NLRP12: variants seen among roughly 807,000 people sequenced by gnomAD.
NLRP12 encodes the protein NACHT, LRR and PYD domains-containing protein 12.
A neutral mutation model predicts 91.2 loss-of-function variants in NLRP12; 108 were observed. That is an observed-to-expected ratio of 1.18 (90% CI 1.01 to 1.39). The LOEUF is 1.39. NLRP12 is among the 40% of genes most tolerant of loss of function. The pLI is 0.00. For missense variants in NLRP12, 1,530 were observed against 1,352.7 expected (o/e 1.13, Z -2.06); for synonymous variants, 613 against 566.7 (o/e 1.08, Z -1.16).
At chr19:53,801,200 T>C in intron 7 of NLRP12, 27 bp downstream of exon 7, 1 of 1,610,770 alleles carries the variant, frequency 6.2e-7, no homozygotes, top group Non-Finnish European at 8.5e-7. Flanking sequence ...TTGGGACTCC[T>C]AGCGTGGTGA....
At chr19:53,819,626 C>T (rs62143199) in intron 1 of NLRP12, among the ~76,000 whole-genome samples, 2,787 of 41,246 alleles carry the variant, frequency 0.068, 573 homozygotes, top group African/African-American at 0.097. Flanking sequence ...TACGTATATA[C>T]GCGTATATAT....
chr19:53,821,031 CTTT>C (rs1158419664), intron 1 of NLRP12, among the ~76,000 whole-genome samples: 1,876 of 81,160 alleles, frequency 0.023, 7 homozygotes, highest in South Asian at 0.066. Context: ...CATATTTTTT[CTTT>C]TTTTTTTTTT....
chr19:53,796,276 G>T (rs970189447), intron 8 of NLRP12: 16 of 451,390 alleles, frequency 3.5e-5, no homozygotes, highest in Non-Finnish European at 5.1e-5. Flanking sequence ...GTTTGAGATG[G>T]AGTCTCCCTC....
Position 53,810,366 on chromosome 19 carries a change from G to C in NLRP12, c.1293C>G (p.Thr431=), listed in dbSNP as rs375001884. The change falls in exon 3 of 10, where the codon ACC becomes ACG. Residue 431 remains threonine, a synonymous_variant. Coordinates refer to ENST00000324134, the MANE Select transcript of NLRP12 (RefSeq NM_144687.4). ...GCAGGTAGAGCATGTACACTGCAGT[G>C]GTGGTCCTGGACGTCTGTCTCAACA... ...GGLLRQTSRT[T]TAVYMLYLLS... is the part of the protein sequence containing the mutation. The C allele has an allele frequency of 1.9e-6, 3 of 1,613,424 alleles. No homozygotes were observed. The African/African-American group carries it at 4.0e-5, about 22-fold the overall frequency.
At chr19:53,794,810 T>A (rs9783968) in intron 9 of NLRP12, among the ~76,000 whole-genome samples, 81,759 of 150,778 alleles carry the variant, frequency 0.54, 22,537 homozygotes, top group South Asian at 0.62. Context: ...GGGATTACAG[T>A]CACGTGCCAC....
chr19:53,799,883 G>C (rs962277625), intron 7 of NLRP12, among the ~76,000 whole-genome samples: 8 of 152,148 alleles, frequency 5.3e-5, no homozygotes, highest in Admixed American at 2.6e-4. Flanking sequence ...AGGGTGTCCA[G>C]CTGGGTGTAG....
At chr19:53,805,930 G>T in intron 4 of NLRP12, 1 of 204,794 alleles carries the variant, frequency 4.9e-6, no homozygotes, top group Non-Finnish European at 1.0e-5. Flanking sequence ...CATTCACAAA[G>T]GTTGCCCTTA....
chr19:53,819,172 TAAAA>T (rs941020597), intron 1 of NLRP12, among the ~76,000 whole-genome samples: 7 of 152,064 alleles, frequency 4.6e-5, no homozygotes, highest in South Asian at 2.1e-4. Context: ...TTCCATTTCT[TAAAA>T]TAACTATGTA....
At position 53,811,020 on chromosome 19, in the gene NLRP12, C is replaced by T. The variant is rs1469811947; in HGVS notation, c.639G>A (p.Val213=). The T allele has an allele frequency of 1.2e-6, 2 of 1,613,644 alleles. No homozygotes were observed. Among genetic ancestry groups the T allele is most frequent in the Non-Finnish European group, 1.7e-6 (2 of 1,179,594 alleles). ...CTATCCCTGCCGCGCCTTGCATGAC[C>T]ACGGTGCGCGGTGGCTCGGGGCGCT... ...DEERPEPPRT[V]VMQGAAGIGK... Residue 213 remains valine, a synonymous_variant, in exon 3 of 10, where the codon GTG becomes GTA. Transcript: ENST00000324134.
At chr19:53,798,477 C>G (rs750387808) in intron 7 of NLRP12, 64 bp from the exon 8 acceptor site, 1 of 1,528,060 alleles carries the variant, frequency 6.5e-7, no homozygotes, top group Non-Finnish European at 8.9e-7. Flanking sequence ...GCTGGGAGGG[C>G]CCTGTGCCAA....
intron 1 of NLRP12, among the ~76,000 whole-genome samples, chr19:53,815,221 C>T (rs1348985191): frequency 7.8e-6 from 1 of 128,868 alleles, no homozygotes; most frequent in African/African-American, 3.3e-5. Context: ...TCCATCCAAT[C>T]AGTCTTTTTT....
intron 3 of NLRP12, chr19:53,807,902 C>T: frequency 2.1e-6 from 1 of 486,102 alleles, no homozygotes. Context: ...AGGCATGAGC[C>T]ACCACGCCCA....
At chr19:53,816,412 T>A (rs1437254911) in intron 1 of NLRP12, among the ~76,000 whole-genome samples, 2 of 146,648 alleles carry the variant, frequency 1.4e-5, no homozygotes, top group African/African-American at 5.1e-5. Flanking sequence ...CATGTGACCC[T>A]CTTGGCATAT....
intron 1 of NLRP12, among the ~76,000 whole-genome samples, chr19:53,816,265 T>TA (rs935501692): frequency 6.6e-6 from 1 of 152,078 alleles, no homozygotes; most frequent in African/African-American, 2.4e-5. Flanking sequence ...CTCACTCTGA[T>TA]AAGTTTTCAC....
chr19:53,811,250 A>G lies in NLRP12; in HGVS notation c.409T>C (p.Phe137Leu). ...GCATTGCGGTCTTCCATGAGCCGGA[A>G]TTTCCTGCGGACATAGTCCCTGTAG... ...ETYRDYVRRK[F>L]RLMEDRNARL... The change falls in exon 3 of 10, where the codon TTC (phenylalanine) becomes CTC (leucine). Residue 137 changes from phenylalanine (F) to leucine (L), a missense_variant. Coordinates refer to ENST00000324134, the MANE Select transcript of NLRP12 (RefSeq NM_144687.4). 1 of 1,613,990 alleles carries G rather than the reference A, an allele frequency of 6.2e-7. No homozygotes were observed. Among genetic ancestry groups the G allele is most frequent in the Non-Finnish European group, 8.5e-7 (1 of 1,180,010 alleles).
intron 6 of NLRP12, among the ~76,000 whole-genome samples, chr19:53,801,657 G>T (rs919997117): frequency 2.0e-5 from 3 of 151,666 alleles, no homozygotes; most frequent in Admixed American, 2.0e-4. Context: ...TTCTCGCCAT[G>T]TTGGCTAGGG....
At chr19:53,817,390 A>G (rs2092177981) in intron 1 of NLRP12, among the ~76,000 whole-genome samples, 1 of 151,446 alleles carries the variant, frequency 6.6e-6, no homozygotes, top group Middle Eastern at 3.5e-3. Flanking sequence ...ACATCGCATC[A>G]TTGCACTCCA....
At position 53,811,175 on chromosome 19, in the gene NLRP12, G is replaced by A. The variant is rs1285579354; in HGVS notation, c.484C>T (p.Leu162=). The A allele has an allele frequency of 3.1e-6, 5 of 1,614,128 alleles. No individual in the cohort carries two copies. The highest frequency in any genetic ancestry group is 4.2e-6 in the Non-Finnish European group (5 of 1,180,026). The change falls in exon 3 of 10, where the codon CTG becomes TTG. Residue 162 remains leucine, a synonymous_variant. Transcript: ENST00000324134. ...ATGGGGTTTGAGTGCTCCTTCACCA[G>A]CAGGAGCCGGGTGTACCGGTGGCTG... ...NLSHRYTRLL[L]VKEHSNPMQV...
At chr19:53,805,160 T>C (rs1390271193) in intron 5 of NLRP12, 120 bp downstream of exon 5, 8 of 1,050,534 alleles carry the variant, frequency 7.6e-6, no homozygotes, top group Non-Finnish European at 1.2e-5. Flanking sequence ...TCTTAGGTCA[T>C]GGGGTTAAGG....
Sources: gnomAD v4.1 joint callset for allele counts (sites outside exome capture counted in the v4.1 genomes callset) on GRCh38, gnomAD v4.1.1 for gene constraint, MANE v1.5 for transcripts, NCBI Gene and HGNC (gene_info 2026-07-23, HGNC 2026-07-21) for gene names.